Variants in NGLY1 observed in about 807,000 individuals in gnomAD.
NGLY1 encodes peptide-N(4)-(N-acetyl-beta-glucosaminyl)asparagine amidase.
NGLY1 carries 68 observed loss-of-function variants against 84.6 expected under a neutral mutation model. The observed-to-expected ratio is 0.80, with a 90% CI of 0.66 to 0.98. The LOEUF (loss-of-function observed/expected upper bound fraction) is 0.98. NGLY1 is among the 50% of genes least tolerant of loss of function. The probability of loss-of-function intolerance (pLI) is 0.00; values close to 1 mark genes in which losing one functional copy is unlikely to be tolerated. For synonymous variants in NGLY1, 280 were observed against 275.2 expected (o/e 1.02, Z -0.17); for missense variants, 779 against 770.2 (o/e 1.01, Z -0.14).
At position 25,732,486 on chromosome 3, in the gene NGLY1, G is replaced by A. The variant is rs1368590319; in HGVS notation, c.1261-3C>T. The A allele has an allele frequency of 3.1e-6, 5 of 1,608,886 alleles. No individual in the cohort carries two copies. Among genetic ancestry groups the A allele is most frequent in the Admixed American group, 1.7e-5 (1 of 59,056 alleles). ...TTTTCTGACAAAAACAGTTGCCTCT[G>A]TAATTCATGTTTTTTAAAAAAGTTG... On this transcript the variant is annotated splice_region_variant and splice_polypyrimidine_tract_variant and intron_variant, in intron 8 of 11. Transcript: ENST00000280700.
rs558375550 is a variant in NGLY1 at position 25,749,596 on chromosome 3, G to A, written c.658+1502C>T. 5.4e-6 allele frequency: 8 copies of A among 1,487,518 alleles called. No individual in the cohort carries two copies. The East Asian group carries it at 1.6e-4, about 29-fold the overall frequency. The allele number at this position is 1,487,518 out of a possible 1,614,324, so 92.1% of individuals were successfully genotyped here. ...TGTCAAAAATTAAGTGTAACTGGCG[G>A]AAACCCAGAGGTATTGACGACAGGG... On this transcript the variant is annotated intron_variant, in intron 4 of 11. Coordinates refer to ENST00000280700, the MANE Select transcript of NGLY1 (RefSeq NM_018297.4).
In NGLY1 at chr3:25,783,376, T is replaced by G. The variant is rs1317882387; in HGVS notation, c.15A>C (p.Ala5=). Residue 5 remains alanine (A), a synonymous_variant, in exon 1 of 12, where the codon GCA becomes GCC. Transcript: ENST00000280700. The surrounding 1 kb of genome is among the most constrained non-coding windows in gnomAD (Gnocchi z 4.5). MAAA[A]LGSSSGSASP... ...ACGCCGAGCCTGAGGAGCTGCCCAATGCCGCCGCCGCCATGCTTGAGCGCC... is the reference window on the plus strand; with the variant it reads ...ACGCCGAGCCTGAGGAGCTGCCCAAGGCCGCCGCCGCCATGCTTGAGCGCC... 6.5e-7 allele frequency: 1 copy of G among 1,543,618 alleles called. No individual in the cohort carries two copies. Among genetic ancestry groups the G allele is most frequent in the Non-Finnish European group, 8.7e-7 (1 of 1,145,796 alleles).
chr3:25,749,366 A>G (rs1180443182), intron 4 of NGLY1: 2 of 613,358 alleles, frequency 3.3e-6, no homozygotes, highest in African/African-American at 3.7e-5. Context: ...GAATAAATGA[A>G]TAAATGGATA....
intron 2 of NGLY1, among the ~76,000 whole-genome samples, chr3:25,776,829 C>T (rs1708175904): frequency 6.6e-6 from 1 of 152,296 alleles, no homozygotes; most frequent in African/African-American, 2.4e-5. Flanking sequence ...CTCTCCATCT[C>T]CACCATCAGT....
chr3:25,755,196 T>C, intron 3 of NGLY1: 2 of 1,345,948 alleles, frequency 1.5e-6, no homozygotes, highest in African/African-American at 2.9e-5. Context: ...AGAGGTTTCT[T>C]ACTGGATATT....
intron 4 of NGLY1, chr3:25,749,972 T>C (rs1706645595): frequency 3.3e-6 from 2 of 603,330 alleles, no homozygotes; most frequent in Admixed American, 5.9e-5. Context: ...AAGGAAATTC[T>C]GCAATATGTT....
chr3:25,743,929 T>G (rs1379540332), intron 4 of NGLY1, among the ~76,000 whole-genome samples: 1 of 152,218 alleles, frequency 6.6e-6, no homozygotes, highest in Non-Finnish European at 1.5e-5. Context: ...AGTAGATTCC[T>G]GTATGATGAA....
At chr3:25,781,670 C>T (rs1422938752) in intron 1 of NGLY1, among the ~76,000 whole-genome samples, 1 of 152,176 alleles carries the variant, frequency 6.6e-6, no homozygotes, top group Non-Finnish European at 1.5e-5. Context: ...GCACTCCAGC[C>T]TCATCAACAA....
At chr3:25,740,579 CATA>C (rs1314605444) in intron 4 of NGLY1, among the ~76,000 whole-genome samples, 1 of 151,652 alleles carries the variant, frequency 6.6e-6, no homozygotes, top group African/African-American at 2.4e-5. Flanking sequence ...ACATATATAG[CATA>C]ATGATAAAAT....
chr3:25,755,687 T>C lies in NGLY1; in HGVS notation c.493-4424A>G, dbSNP rs1707003810. On this transcript the variant is annotated intron_variant, in intron 3 of 11. Transcript: ENST00000280700. ...GACAATGATACTATGTAAGGAATTATAGTCTAGTCTAGATGCATTTCAAAA... is the reference window on the plus strand; with the variant it reads ...GACAATGATACTATGTAAGGAATTACAGTCTAGTCTAGATGCATTTCAAAA... The C allele has an allele frequency of 4.3e-6, 6 of 1,409,878 alleles. No homozygotes were observed. In the South Asian group the frequency reaches 6.3e-5, roughly 15 times the overall value. 87.3% of individuals were successfully genotyped at this position (1,409,878 alleles called of 1,614,324 possible). A position where few individuals can be genotyped will look rare whatever the true frequency, so the allele number is the denominator to read the frequency against.
intron 1 of NGLY1, among the ~76,000 whole-genome samples, chr3:25,779,164 C>T (rs950726395): frequency 1.7e-4 from 26 of 151,814 alleles, no homozygotes; most frequent in African/African-American, 5.6e-4. Context: ...CTCGAACTCT[C>T]GACCTCAGGT....
intron 7 of NGLY1, chr3:25,734,725 A>C: frequency 1.2e-6 from 1 of 860,760 alleles, no homozygotes; most frequent in Non-Finnish European, 1.4e-6. Flanking sequence ...ATTAAAATAA[A>C]ATAAAATAAA....
intron 3 of NGLY1, among the ~76,000 whole-genome samples, chr3:25,753,039 T>C (rs536052095): frequency 5.3e-5 from 8 of 151,756 alleles, no homozygotes; most frequent in African/African-American, 1.9e-4. Context: ...AGAAGGCAAC[T>C]GCTCAAAAAA....
At chr3:25,722,248 A>T (rs1705033704) in intron 10 of NGLY1, among the ~76,000 whole-genome samples, 2 of 142,824 alleles carry the variant, frequency 1.4e-5, no homozygotes, top group Admixed American at 1.5e-4. Context: ...ACATTTAGTA[A>T]ATATTATTAA....
At chr3:25,755,569 C>T in intron 3 of NGLY1, 1 of 1,437,416 alleles carries the variant, frequency 7.0e-7, no homozygotes, top group Middle Eastern at 1.7e-4. Context: ...ATGATTGGGC[C>T]CAAAAATATT....
In NGLY1 at chr3:25,732,264, A is replaced by G; in HGVS notation, c.1425+55T>C. 9 of 1,535,458 alleles carry G rather than the reference A, an allele frequency of 5.9e-6. No homozygotes were observed. The East Asian group carries it at 1.1e-4, about 19-fold the overall frequency. ...AGTTGGAGGATAGTATAGGAAGAGC[A>G]TAGTATATGAAGCAGGAAAGTAAAA... On this transcript the variant is annotated intron_variant, in intron 9 of 11. Transcript: ENST00000280700.
intron 2 of NGLY1, chr3:25,777,740 A>G (rs962978561): frequency 1.2e-4 from 19 of 152,204 alleles, no homozygotes; most frequent in African/African-American, 4.6e-4. Flanking sequence ...TTGTTTTCAC[A>G]TCTACTGGCT....
rs767547861 is a variant in NGLY1 at position 25,783,350 on chromosome 3, G to T, written c.41C>A (p.Ser14Tyr). The change falls in exon 1 of 12, where the codon TCC (serine) becomes TAC (tyrosine). Residue 14 changes from serine (S) to tyrosine (Y), a missense_variant. Physicochemically the swap from Ser to Tyr is moderately radical, Grantham distance 144 (BLOSUM62 -2). Coordinates refer to ENST00000280700, the MANE Select transcript of NGLY1 (RefSeq NM_018297.4). This position sits in a 1 kb window ranked among gnomAD's most constrained non-coding sequence, Gnocchi z 4.5. ...AALGSSSGSA[S>Y]PAVAELCQNT... Reference sequence around the variant, plus strand: ...CTGGCAGAGCTCAGCCACGGCCGGGGACGCCGAGCCTGAGGAGCTGCCCAA... The same window carrying T: ...CTGGCAGAGCTCAGCCACGGCCGGGTACGCCGAGCCTGAGGAGCTGCCCAA... 8 of 1,573,266 alleles carry T rather than the reference G, an allele frequency of 5.1e-6. No homozygotes were observed. Among genetic ancestry groups the T allele is most frequent in the Admixed American group, 1.9e-5 (1 of 53,916 alleles).
In NGLY1 at chr3:25,778,925, C is replaced by CTTTTTTT. The variant is rs565447910; in HGVS notation, c.132-244_132-238dup. On this transcript the variant is annotated intron_variant, in intron 1 of 11. Transcript: ENST00000280700. ...GTCTCGCTTCAGTTTAAGATACATT[C>CTTTTTTT]TTTTTTTTTTTTTTTTTTTTTTTTT... Among the ~76,000 whole-genome samples the CTTTTTTT allele has an allele frequency of 2.2e-4, 12 of 54,694 alleles. 1 individual carries two copies. Among genetic ancestry groups the CTTTTTTT allele is most frequent in the African/African-American group, 6.6e-4 (11 of 16,782 alleles). 35.9% of individuals were successfully genotyped at this position (54,694 alleles called of 152,430 possible). A position where few individuals can be genotyped will look rare whatever the true frequency, so the allele number is the denominator to read the frequency against.
Sources: allele counts gnomAD v4.1 joint callset (sites outside exome capture counted in the v4.1 genomes callset), GRCh38; gene constraint gnomAD v4.1.1; non-coding constraint Gnocchi (gnomAD v3.1); transcripts MANE v1.5; gene names NCBI Gene and HGNC (gene_info 2026-07-23, HGNC 2026-07-21).